The following RBM6 variants were observed in gnomAD, a reference collection of about 807,000 sequenced individuals.
RBM6 encodes RNA-binding protein 6.
Under a neutral mutation model 140.4 loss-of-function variants are expected in RBM6, and 23 were observed. The ratio of observed to expected loss-of-function variants is 0.16; its 90% CI spans 0.12 to 0.23. The LOEUF is 0.23. RBM6 is among the 10% of genes least tolerant of loss of function. RBM6 has a pLI of 1.00. For synonymous variants in RBM6, 439 were observed against 475.6 expected (o/e 0.92, Z 1.00); for missense variants, 1,139 against 1,386.7 (o/e 0.82, Z 2.84).
chr3:50,032,839 G>T (rs1255461770), intron 6 of RBM6, among the ~76,000 whole-genome samples: 1 of 151,176 alleles, frequency 6.6e-6, no homozygotes, highest in Non-Finnish European at 1.5e-5. Context: ...TACAAAATTA[G>T]CCGGGCATGG....
chr3:49,987,989 A>G (rs1475223076), intron 5 of RBM6, among the ~76,000 whole-genome samples: 1 of 152,178 alleles, frequency 6.6e-6, no homozygotes, highest in African/African-American at 2.4e-5. Flanking sequence ...GTTTAGAACA[A>G]TCTGAAACCT....
chr3:50,059,830 T>A, intron 11 of RBM6, 84 bp downstream of exon 11: 1 of 1,068,818 alleles, frequency 9.4e-7, no homozygotes, highest in Non-Finnish European at 1.4e-6. Context: ...GGAAAAACAG[T>A]AAAGCATGAT....
At chr3:50,076,373 G>A (rs997182860) in intron 20 of RBM6, among the ~76,000 whole-genome samples, 1 of 150,662 alleles carries the variant, frequency 6.6e-6, no homozygotes, top group South Asian at 2.2e-4. Context: ...ACAAGGTCAG[G>A]AGTTCGAGAC....
chr3:49,999,500 T>C lies in RBM6; in HGVS notation c.1544T>C (p.Met515Thr), dbSNP rs369920008. 1 of 1,613,362 alleles carries C rather than the reference T, an allele frequency of 6.2e-7. No individual in the cohort carries two copies. The highest frequency in any genetic ancestry group is 8.5e-7 in the Non-Finnish European group (1 of 1,179,386). The change falls in exon 6 of 21, where the codon ATG (methionine) becomes ACG (threonine). Residue 515 changes from methionine (M) to threonine (T), a missense_variant. Coordinates refer to ENST00000266022, the MANE Select transcript of RBM6 (RefSeq NM_005777.3). The part of the protein sequence containing the change: ...FSLLEDAIGC[M>T]EANQGTLMIQ... Reference sequence around the variant, plus strand: ...CTCTTGGAAGATGCCATCGGATGCATGGAGGCCAACCAGGTTGCTTTATAC... The same window carrying C: ...CTCTTGGAAGATGCCATCGGATGCACGGAGGCCAACCAGGTTGCTTTATAC...
At chr3:50,050,235 C>T (rs2089414016) in intron 7 of RBM6, among the ~76,000 whole-genome samples, 1 of 152,132 alleles carries the variant, frequency 6.6e-6, no homozygotes, top group Non-Finnish European at 1.5e-5. Flanking sequence ...CTTCTTCTTC[C>T]CCCAGTCCCC....
chr3:50,038,153 G>A (rs2088658877), intron 6 of RBM6, among the ~76,000 whole-genome samples: 1 of 151,998 alleles, frequency 6.6e-6, no homozygotes, highest in Non-Finnish European at 1.5e-5. Context: ...GGATCCTGAA[G>A]AATAGCTGCT....
intron 7 of RBM6, among the ~76,000 whole-genome samples, chr3:50,050,478 C>A (rs2089422873): frequency 6.6e-6 from 1 of 152,112 alleles, no homozygotes; most frequent in Non-Finnish European, 1.5e-5. Flanking sequence ...GTTGTTTCTA[C>A]CCTGACTTTG....
intron 8 of RBM6, among the ~76,000 whole-genome samples, chr3:50,057,100 G>T (rs558496543): frequency 2.7e-4 from 41 of 152,186 alleles, no homozygotes; most frequent in Non-Finnish European, 5.3e-4. Flanking sequence ...TGATAGTCAG[G>T]TTCAAGGTGT....
chr3:49,973,270 G>A (rs540712045), intron 4 of RBM6, among the ~76,000 whole-genome samples: 6 of 151,652 alleles, frequency 4.0e-5, no homozygotes, highest in South Asian at 4.2e-4. Context: ...CTGGGACCAC[G>A]GGCATGCATG....
At chr3:49,971,380 G>A (rs1474222010) in intron 3 of RBM6, among the ~76,000 whole-genome samples, 1 of 151,256 alleles carries the variant, frequency 6.6e-6, no homozygotes, top group East Asian at 2.0e-4. Flanking sequence ...GGGGGGCGGA[G>A]GCTGCAGTGG....
At chr3:49,953,728 C>A (rs561331570) in intron 1 of RBM6, among the ~76,000 whole-genome samples, 80 of 151,816 alleles carry the variant, frequency 5.3e-4, no homozygotes, top group Non-Finnish European at 6.5e-4. Context: ...CCATGTTGGC[C>A]TACCTGGTCT....
At chr3:50,070,865 G>A (rs1417916971) in intron 19 of RBM6, among the ~76,000 whole-genome samples, 1 of 152,104 alleles carries the variant, frequency 6.6e-6, no homozygotes, top group Admixed American at 6.6e-5. Context: ...CACACTCTTG[G>A]GCTTTTTCTC....
chr3:50,028,405 C>T (rs2087959992), intron 6 of RBM6, among the ~76,000 whole-genome samples: 1 of 152,116 alleles, frequency 6.6e-6, no homozygotes, highest in South Asian at 2.1e-4. Context: ...GAGCATCAGC[C>T]CAGAGACATG....
chr3:50,002,638 C>A (rs1263596892), intron 6 of RBM6, among the ~76,000 whole-genome samples: 1 of 152,180 alleles, frequency 6.6e-6, no homozygotes, highest in African/African-American at 2.4e-5. Flanking sequence ...CTTAGGTGAT[C>A]TGCCCACCTT....
chr3:50,037,798 G>A (rs2088631649), intron 6 of RBM6, among the ~76,000 whole-genome samples: 1 of 150,540 alleles, frequency 6.6e-6, no homozygotes, highest in South Asian at 2.1e-4. Flanking sequence ...GCCACCATGC[G>A]TGGCAAATTT....
chr3:49,958,963 T>G (rs1330255000), intron 1 of RBM6, among the ~76,000 whole-genome samples: 2 of 151,526 alleles, frequency 1.3e-5, no homozygotes, highest in African/African-American at 2.4e-5. Flanking sequence ...ACCTGGCTAA[T>G]TTTTGTATTT....
chr3:49,955,971 C>T (rs1324805894), intron 1 of RBM6, among the ~76,000 whole-genome samples: 1 of 149,252 alleles, frequency 6.7e-6, no homozygotes, highest in African/African-American at 2.5e-5. Context: ...GGACTTTTGC[C>T]ATTTTGCTAC....
At chr3:50,043,573 T>C (rs147071457) in intron 6 of RBM6, among the ~76,000 whole-genome samples, 447 of 150,858 alleles carry the variant, frequency 3.0e-3, no homozygotes, top group African/African-American at 0.01. Flanking sequence ...TGTACACACA[T>C]ATATATATAT....
chr3:49,982,144 T>C (rs1053836143), intron 5 of RBM6, among the ~76,000 whole-genome samples: 3 of 152,150 alleles, frequency 2.0e-5, no homozygotes, highest in African/African-American at 7.2e-5. Flanking sequence ...AAATTCTTCT[T>C]GGAAAGTGAG....
Sources: allele counts gnomAD v4.1 joint callset (sites outside exome capture counted in the v4.1 genomes callset), GRCh38; gene constraint gnomAD v4.1.1; transcripts MANE v1.5; gene names NCBI Gene and HGNC (gene_info 2026-07-23, HGNC 2026-07-21).